The following RETNLB variants were observed in gnomAD, a reference collection of about 807,000 sequenced individuals.
RETNLB encodes resistin-like beta.
RETNLB carries 11 observed loss-of-function variants against 6.8 expected under a neutral mutation model. That is an observed-to-expected ratio of 1.62 (90% CI 1.02 to 2.68). The LOEUF (loss-of-function observed/expected upper bound fraction) is 2.68, where lower values mean the gene tolerates loss of function less well. Among genes scored for constraint, RETNLB ranks in the 30% most tolerant of loss-of-function variants. The pLI, the probability that RETNLB is intolerant of heterozygous loss-of-function variation, is 0.00. For synonymous variants in RETNLB, 57 were observed against 54.2 expected (o/e 1.05, Z -0.23); for missense variants, 146 against 135.7 (o/e 1.08, Z -0.38).
intron 1 of RETNLB, 133 bp downstream of exon 1, chr3:108,756,926 G>T: frequency 1.0e-6 from 1 of 992,902 alleles, no homozygotes; most frequent in East Asian, 2.6e-5. Flanking sequence ...CACGGGTAGG[G>T]TAGTGTAGAA....
In RETNLB at chr3:108,756,050, A is replaced by C. The variant is rs923150088; in HGVS notation, c.209-145T>G. Reference sequence around the variant, plus strand: ...CAAGCTCATTCAATTTTGCGAGCTCATTTCAAGAAAAGAAATACAGAAATC... The same window carrying C: ...CAAGCTCATTCAATTTTGCGAGCTCCTTTCAAGAAAAGAAATACAGAAATC... On this transcript the variant is annotated intron_variant, in intron 2 of 2. Transcript: ENST00000295755. 3 of 812,034 alleles carry C rather than the reference A, an allele frequency of 3.7e-6. No individual in the cohort carries two copies. The Admixed American group carries it at 8.1e-5, about 22-fold the overall frequency. The allele number at this position is 812,034 out of a possible 1,614,324, so 50.3% of individuals were successfully genotyped here. A position where few individuals can be genotyped will look rare whatever the true frequency, so the allele number is the denominator to read the frequency against.
At chr3:108,756,011 G>C in intron 2 of RETNLB, 106 bp from the exon 3 acceptor site, 1 of 1,278,222 alleles carries the variant, frequency 7.8e-7, no homozygotes, top group Non-Finnish European at 1.1e-6. Flanking sequence ...GTAGAGCTAG[G>C]TTTCGTGGGG....
intron 1 of RETNLB, 176 bp downstream of exon 1, chr3:108,756,883 A>G (rs1010041146): frequency 4.4e-6 from 3 of 687,070 alleles, no homozygotes; most frequent in African/African-American, 1.8e-5. Flanking sequence ...CCTCCTCATC[A>G]GGAAAACCTC....
rs76279379 is a variant in RETNLB, at chr3:108,756,003, A to T, written c.209-98T>A. On this transcript the variant is annotated intron_variant, in intron 2 of 2. Coordinates refer to ENST00000295755, the MANE Select transcript of RETNLB (RefSeq NM_032579.3). The stretch of plus-strand genomic sequence containing the variant: ...CTTTCAACCCTGTGCAGTCAGGGGT[A>T]GAGCTAGGTTTCGTGGGGCCTCAAG... 5.0e-3 allele frequency: 7,272 copies of T among 1,450,756 alleles called. 150 individuals are homozygous for T. The highest frequency in any genetic ancestry group is 0.046 in the African/African-American group (3,278 of 71,426). The allele number at this position is 1,450,756 out of a possible 1,614,324, so 89.9% of individuals were successfully genotyped here. A position where few individuals can be genotyped will look rare whatever the true frequency, so the allele number is the denominator to read the frequency against.
chr3:108,756,029 C>T (rs1445262232), intron 2 of RETNLB, 124 bp from the exon 3 acceptor site: 7 of 1,044,480 alleles, frequency 6.7e-6, no homozygotes, highest in Non-Finnish European at 9.9e-6. Context: ...GGGCCTCAAG[C>T]TCATTCAATT....
rs571942608 is a variant in RETNLB at position 108,756,399 on chromosome 3, G to A, written c.208+109C>T. 3.1e-5 allele frequency: 24 copies of A among 772,162 alleles called. No individual in the cohort carries two copies. The East Asian group carries it at 5.0e-4, about 16-fold the overall frequency. The allele number at this position is 772,162 out of a possible 1,614,324, so 47.8% of individuals were successfully genotyped here. On this transcript the variant is annotated intron_variant, in intron 2 of 2. Transcript: ENST00000295755. ...CCAAGAGTCATGACTCAGCCCCAGG[G>A]TGCCAGGGTGATACAGACCTGACAT... is the stretch of plus-strand genomic sequence containing the variant.
chr3:108,756,743 G>A (rs1945252876), intron 1 of RETNLB, 155 bp from the exon 2 acceptor site: 1 of 629,694 alleles, frequency 1.6e-6, no homozygotes, highest in Admixed American at 2.9e-5. Context: ...TTTTAAAGCA[G>A]AAGTAATAGT....
Position 108,755,862 on chromosome 3 carries a change from C to G in RETNLB, c.252G>C (p.Ser84=). 1 of 1,614,136 alleles carries G rather than the reference C, an allele frequency of 6.2e-7. No individual in the cohort carries two copies. The highest frequency in any genetic ancestry group is 8.5e-7 in the Non-Finnish European group (1 of 1,180,008). Residue 84 remains serine, a synonymous_variant, in exon 3 of 3, where the codon TCG becomes TCC. Transcript: ENST00000295755. ...AGGTGGTTTCCAGCTGAACATCCCA[C>G]GAACCACAGCCATAGCCACAAGCAC... ...TGCACGYGCG[S]WDVQLETTCH...
Position 108,757,165 on chromosome 3 carries a change from G to C in RETNLB, c.21C>G (p.Leu7=). 6.5e-7 allele frequency: 1 copy of C among 1,543,466 alleles called. No individual in the cohort carries two copies. The highest frequency in any genetic ancestry group is 8.9e-7 in the Non-Finnish European group (1 of 1,125,916). MGPSSC[L]LLILIPLLQL... is the part of the protein sequence containing the mutation. The stretch of plus-strand genomic sequence containing the variant: ...GGAGAAGGGGGATTAGGATGAGAAG[G>C]AGGCAAGAGGACGGCCCCATCCTGT... The change falls in exon 1 of 3, where the codon CTC becomes CTG. Residue 7 remains leucine (L), a synonymous_variant. Coordinates refer to ENST00000295755, the MANE Select transcript of RETNLB (RefSeq NM_032579.3).
intron 1 of RETNLB, 196 bp from the exon 2 acceptor site, chr3:108,756,784 T>C (rs1246998063): frequency 8.3e-6 from 5 of 598,904 alleles, no homozygotes; most frequent in Non-Finnish European, 1.5e-5. Flanking sequence ...GTTGTGGGAA[T>C]TAAATGAAAT....
rs11708527 is a variant in RETNLB, at chr3:108,757,127, G to A, written c.59C>T (p.Pro20Leu). Residue 20 changes from proline (P) to leucine (L), a missense_variant, in exon 1 of 3, where the codon CCG becomes CTG. Physicochemically the swap from Pro to Leu is moderately conservative, Grantham distance 98. Transcript: ENST00000295755. ...GTCTAAGGAACACTGAGTACTCCCCGGGTTGATCAGCTGGAGAAGGGGGAT... is the reference window on the plus strand; with the variant it reads ...GTCTAAGGAACACTGAGTACTCCCCAGGTTGATCAGCTGGAGAAGGGGGAT... ...ILIPLLQLIN[P>L]GSTQCSLDSV... is the part of the protein sequence containing the mutation. The A allele has an allele frequency of 0.27, 436,256 of 1,612,080 alleles. 62,805 individuals carry two copies. Among genetic ancestry groups the A allele is most frequent in the South Asian group, 0.4 (36,209 of 90,852 alleles).
In RETNLB at chr3:108,756,940, C is replaced by T. The variant is rs1208159193; in HGVS notation, c.127+119G>A. Reference sequence around the variant, plus strand: ...ACACGGGTAGGGTAGTGTAGAAAGCCCTCATCAGGGGTTGGGCTTGGTTGG... The same window carrying T: ...ACACGGGTAGGGTAGTGTAGAAAGCTCTCATCAGGGGTTGGGCTTGGTTGG... On this transcript the variant is annotated intron_variant, in intron 1 of 2. Transcript: ENST00000295755. 3.4e-5 allele frequency: 40 copies of T among 1,180,582 alleles called. 1 individual carries two copies. In the East Asian group the frequency reaches 9.8e-4, roughly 29 times the overall value. The allele number at this position is 1,180,582 out of a possible 1,614,324, so 73.1% of individuals were successfully genotyped here.
Position 108,755,670 on chromosome 3 carries a change from A to G in RETNLB, c.*108T>C. 9 of 1,293,174 alleles carry G rather than the reference A, an allele frequency of 7.0e-6. No homozygotes were observed. Among genetic ancestry groups the G allele is most frequent in the Non-Finnish European group, 9.9e-6 (9 of 909,922 alleles). 80.1% of individuals were successfully genotyped at this position (1,293,174 alleles called of 1,614,324 possible). On this transcript the variant is annotated 3_prime_UTR_variant, in exon 3 of 3. Coordinates refer to ENST00000295755, the MANE Select transcript of RETNLB (RefSeq NM_032579.3). ...CAAAGTTTGTCTTTATTACCCAAGA[A>G]TCAGGAATGGAACAAATGAAGTGGG...
chr3:108,757,146 G>A lies in RETNLB; in HGVS notation c.40C>T (p.Leu14Phe), dbSNP rs1559805746. The A allele has an allele frequency of 6.2e-7, 1 of 1,613,332 alleles. No individual in the cohort carries two copies. Among genetic ancestry groups the A allele is most frequent in the African/African-American group, 1.3e-5 (1 of 74,930 alleles). Residue 14 changes from leucine (L) to phenylalanine (F), a missense_variant, in exon 1 of 3, where the codon CTT (leucine) becomes TTT (phenylalanine). Physicochemically the swap from Leu to Phe is conservative, Grantham distance 22 (BLOSUM62 0). Transcript: ENST00000295755. Reference sequence around the variant, plus strand: ...CTCCCCGGGTTGATCAGCTGGAGAAGGGGGATTAGGATGAGAAGGAGGCAA... The same window carrying A: ...CTCCCCGGGTTGATCAGCTGGAGAAAGGGGATTAGGATGAGAAGGAGGCAA... ...SSCLLLILIP[L>F]LQLINPGSTQ...
rs1945243704 is a variant in RETNLB, at chr3:108,755,679, G to T, written c.*99C>A. The stretch of plus-strand genomic sequence containing the variant: ...TCTTTATTACCCAAGAATCAGGAAT[G>T]GAACAAATGAAGTGGGACGTTTGAG... On this transcript the variant is annotated 3_prime_UTR_variant, in exon 3 of 3. Coordinates refer to ENST00000295755, the MANE Select transcript of RETNLB (RefSeq NM_032579.3). 1.5e-6 allele frequency: 2 copies of T among 1,348,328 alleles called. No homozygotes were observed. The highest frequency in any genetic ancestry group is 2.1e-6 in the Non-Finnish European group (2 of 955,926). The allele number at this position is 1,348,328 out of a possible 1,614,324, so 83.5% of individuals were successfully genotyped here.
intron 2 of RETNLB, 129 bp downstream of exon 2, chr3:108,756,379 A>G: frequency 1.5e-6 from 1 of 679,008 alleles, no homozygotes; most frequent in Non-Finnish European, 2.7e-6. Flanking sequence ...GGGAACCAAG[A>G]GTCATGACTC....
intron 2 of RETNLB, 56 bp downstream of exon 2, chr3:108,756,452 G>T: frequency 1.7e-6 from 2 of 1,162,042 alleles, no homozygotes; most frequent in Non-Finnish European, 2.6e-6. Context: ...CAGGGAGATG[G>T]ACAGGGGAGG....
rs200145629 is a variant in RETNLB, at chr3:108,757,029, C to A, written c.127+30G>T. 6 of 1,600,786 alleles carry A rather than the reference C, an allele frequency of 3.7e-6. No individual in the cohort carries two copies. The East Asian group carries it at 9.0e-5, about 24-fold the overall frequency. On this transcript the variant is annotated intron_variant, in intron 1 of 2. Transcript: ENST00000295755. ...AACAGGAGAAATGAGCAAGGGTCAACCCCCCGCTTCCCCTACCCCAGTCAG... is the reference window on the plus strand; with the variant it reads ...AACAGGAGAAATGAGCAAGGGTCAAACCCCCGCTTCCCCTACCCCAGTCAG...
Position 108,757,076 on chromosome 3 carries a change from T to A in RETNLB, c.110A>T (p.Asp37Val). The A allele has an allele frequency of 6.2e-7, 1 of 1,613,714 alleles. No individual in the cohort carries two copies. Among genetic ancestry groups the A allele is most frequent in the Non-Finnish European group, 8.5e-7 (1 of 1,179,818 alleles). ...TCAGTTACCTAGACTGTTGAGAACA[T>A]CCTTGATCTTCTTATCCATAACGGA... ...LDSVMDKKIKDVLNSLEYSPS... is the reference protein window; with the variant it reads ...LDSVMDKKIKVVLNSLEYSPS... Residue 37 changes from aspartate (D) to valine (V), a missense_variant, in exon 1 of 3, where the codon GAT becomes GTT. Transcript: ENST00000295755.
Sources: gnomAD v4.1 joint callset for allele counts on GRCh38, gnomAD v4.1.1 for gene constraint, MANE v1.5 for transcripts, NCBI Gene and HGNC (gene_info 2026-07-23, HGNC 2026-07-21) for gene names.